CRPPA: variants seen among roughly 807,000 people sequenced by gnomAD.
CRPPA encodes CDP-L-ribitol pyrophosphorylase A.
Under a neutral mutation model 52.0 loss-of-function variants are expected in CRPPA, and 43 were observed. The observed-to-expected ratio is 0.83, with a 90% CI of 0.65 to 1.07. The LOEUF (loss-of-function observed/expected upper bound fraction) is 1.07. Among genes scored for constraint, CRPPA ranks in the 50% least tolerant of loss-of-function variants. The pLI is 0.00. For synonymous variants in CRPPA, 250 were observed against 203.5 expected, an observed-to-expected ratio of 1.23 and a Z score of -1.94; for missense variants, 629 against 551.7, an observed-to-expected ratio of 1.14 and a Z score of -1.40.
intron 9 of CRPPA, among the ~76,000 whole-genome samples, chr7:16,191,113 C>CT (rs1361437975): frequency 6.6e-6 from 1 of 152,072 alleles, no homozygotes; most frequent in Non-Finnish European, 1.5e-5. Flanking sequence ...GTGCAAGTAT[C>CT]TTTTTTGTAT....
intron 3 of CRPPA, among the ~76,000 whole-genome samples, chr7:16,315,417 A>G (rs1785124296): frequency 6.6e-6 from 1 of 152,170 alleles, no homozygotes; most frequent in African/African-American, 2.4e-5. Flanking sequence ...ATAGCTGGAC[A>G]TGATTACTGG....
chr7:16,087,698 C>T lies in CRPPA; in HGVS notation c.*3997G>A, dbSNP rs1355780238. The T allele has an allele frequency of 1.3e-5, 2 of 152,114 alleles. No individual in the cohort carries two copies. The highest frequency in any genetic ancestry group is 6.5e-5 in the Admixed American group (1 of 15,274). The allele number at this position is 152,114 out of a possible 1,614,324, so 9.4% of individuals were successfully genotyped here. A position where few individuals can be genotyped will look rare whatever the true frequency, so the allele number is the denominator to read the frequency against. ...CAACTATAATGCCAACCACCACCTA[C>T]ACAGCTACTTCTAGTCCACTGATTT... On this transcript the variant is annotated 3_prime_UTR_variant, in exon 10 of 10. Coordinates refer to ENST00000407010, the MANE Select transcript of CRPPA (RefSeq NM_001101426.4).
intron 8 of CRPPA, among the ~76,000 whole-genome samples, chr7:16,218,586 G>A (rs1252330913): frequency 1.8e-5 from 1 of 54,508 alleles, no homozygotes; most frequent in African/African-American, 7.7e-5. Flanking sequence ...AAAATAAAAG[G>A]ATGGAGGAAG....
chr7:16,270,157 G>T (rs1425915725), intron 6 of CRPPA: 1 of 152,060 alleles, frequency 6.6e-6, no homozygotes, highest in Non-Finnish European at 1.5e-5. Flanking sequence ...CCAAAAATTG[G>T]TGGTGGCTGG....
At chr7:16,263,047 T>C (rs1466336692) in intron 6 of CRPPA, among the ~76,000 whole-genome samples, 1 of 152,224 alleles carries the variant, frequency 6.6e-6, no homozygotes, top group Non-Finnish European at 1.5e-5. Flanking sequence ...AATTATTTTA[T>C]TTTTATATTG....
At chr7:16,419,589 T>C (rs968622021) in intron 1 of CRPPA, among the ~76,000 whole-genome samples, 11 of 152,122 alleles carry the variant, frequency 7.2e-5, no homozygotes, top group South Asian at 2.1e-4. Flanking sequence ...GGGGATAACA[T>C]CACTATTGTA....
intron 9 of CRPPA, among the ~76,000 whole-genome samples, chr7:16,211,137 G>T (rs1782124115): frequency 1.3e-5 from 2 of 152,158 alleles, no homozygotes; most frequent in Admixed American, 6.5e-5. Context: ...AGCAGAAGGT[G>T]TGTGTTTAAT....
At chr7:16,107,587 T>C (rs1231112929) in intron 9 of CRPPA, among the ~76,000 whole-genome samples, 1 of 152,080 alleles carries the variant, frequency 6.6e-6, no homozygotes, top group Non-Finnish European at 1.5e-5. Flanking sequence ...AGGGAGTTCA[T>C]CACTGGCATA....
chr7:16,158,989 C>T (rs558627582), intron 9 of CRPPA, among the ~76,000 whole-genome samples: 48 of 152,188 alleles, frequency 3.2e-4, no homozygotes, highest in Admixed American at 1.6e-3. Context: ...GTCTATAAAC[C>T]GAACTGATTT....
At chr7:16,304,508 G>A (rs981763915) in intron 4 of CRPPA, among the ~76,000 whole-genome samples, 8 of 152,098 alleles carry the variant, frequency 5.3e-5, no homozygotes, top group African/African-American at 1.7e-4. Context: ...GTGCATGGTG[G>A]CAGGCACCTA....
rs1021925834 is a variant in CRPPA, at chr7:16,110,488, A to T, written c.1252-18689T>A. 3.9e-5 allele frequency among the ~76,000 whole-genome samples: 6 copies of T among 152,136 alleles called. No homozygotes were observed. The East Asian group carries it at 1.2e-3, about 29-fold the overall frequency. On this transcript the variant is annotated intron_variant, in intron 9 of 9. Coordinates refer to ENST00000407010, the MANE Select transcript of CRPPA (RefSeq NM_001101426.4). ...AGGCAGCCACGAGCGAAAAGAGCCA[A>T]GCTGAAGGCATCACAATACCTGATT... is the stretch of plus-strand genomic sequence containing the variant.
intron 2 of CRPPA, among the ~76,000 whole-genome samples, chr7:16,399,644 A>C (rs1183305235): frequency 6.6e-6 from 1 of 151,764 alleles, no homozygotes; most frequent in Non-Finnish European, 1.5e-5. Flanking sequence ...CATGATCGAC[A>C]TGTAATCAAC....
chr7:16,093,605 A>C (rs1781880998), intron 9 of CRPPA, among the ~76,000 whole-genome samples: 1 of 152,176 alleles, frequency 6.6e-6, no homozygotes, highest in East Asian at 1.9e-4. Flanking sequence ...ACGACATTTT[A>C]AAATTGGATT....
chr7:16,356,406 A>AAATG (rs1185224803), intron 3 of CRPPA, among the ~76,000 whole-genome samples: 1 of 152,168 alleles, frequency 6.6e-6, no homozygotes, highest in Non-Finnish European at 1.5e-5. Flanking sequence ...AGATAGCCAC[A>AAATG]AATGCTCTTG....
At chr7:16,326,030 A>G (rs56815850) in intron 3 of CRPPA, among the ~76,000 whole-genome samples, 15,164 of 149,840 alleles carry the variant, frequency 0.1, 948 homozygotes, top group East Asian at 0.29. Flanking sequence ...ATGTTTTAAC[A>G]TATGTAAATA....
Position 16,133,174 on chromosome 7 carries a change from G to C in CRPPA, c.1252-41375C>G, listed in dbSNP as rs934809340. Among the ~76,000 whole-genome samples the C allele has an allele frequency of 3.1e-4, 38 of 122,106 alleles. 5 individuals carry two copies. The highest frequency in any genetic ancestry group is 1.0e-3 in the African/African-American group (38 of 37,830). 80.1% of individuals were successfully genotyped at this position (122,106 alleles called of 152,430 possible). Reference sequence around the variant, plus strand: ...TACTAAAAATAAAAAAAAGTTAGTTGGGTATGGTGGTGCATTACTGTAGTC... The same window carrying C: ...TACTAAAAATAAAAAAAAGTTAGTTCGGTATGGTGGTGCATTACTGTAGTC... On this transcript the variant is annotated intron_variant, in intron 9 of 9. Transcript: ENST00000407010.
intron 9 of CRPPA, among the ~76,000 whole-genome samples, chr7:16,134,969 T>C (rs1363491170): frequency 2.0e-5 from 3 of 152,236 alleles, no homozygotes; most frequent in Admixed American, 2.0e-4. Context: ...ACCTGTTTTG[T>C]TGTCTGGATT....
Position 16,113,916 on chromosome 7 carries a change from C to T in CRPPA, c.1252-22117G>A, listed in dbSNP as rs575883551. On this transcript the variant is annotated intron_variant, in intron 9 of 9. Transcript: ENST00000407010. ...TTTAAAAATGATTTTAAAATAAGTA[C>T]ATAAATCTAAACACAGTAGTCTCTA... Among the ~76,000 whole-genome samples the T allele has an allele frequency of 3.2e-4, 49 of 151,816 alleles. 1 individual carries two copies. Among genetic ancestry groups the T allele is most frequent in the Admixed American group, 9.8e-4 (15 of 15,246 alleles).
intron 9 of CRPPA, among the ~76,000 whole-genome samples, chr7:16,112,357 T>A (rs1353348616): frequency 6.6e-6 from 1 of 152,200 alleles, no homozygotes; most frequent in Non-Finnish European, 1.5e-5. Context: ...AACCTTTTTT[T>A]AAGAAACAAA....
Sources: gnomAD v4.1 joint callset for allele counts (sites outside exome capture counted in the v4.1 genomes callset) on GRCh38, gnomAD v4.1.1 for gene constraint, MANE v1.5 for transcripts, NCBI Gene and HGNC (gene_info 2026-07-23, HGNC 2026-07-21) for gene names.